The following DHRSX variants were observed in gnomAD, a reference collection of about 807,000 sequenced individuals.
The protein encoded by DHRSX is polyprenol dehydrogenase.
In DHRSX, 31 loss-of-function variants were observed where a neutral mutation model predicts 34.0. That is an observed-to-expected ratio of 0.91 (90% CI 0.69 to 1.23). The LOEUF is 1.23. Among genes scored for constraint, DHRSX ranks in the 50% most tolerant of loss-of-function variants. DHRSX has a pLI of 0.00. For missense variants in DHRSX, 414 were observed against 428.1 expected (o/e 0.97, Z 0.29); for synonymous variants, 201 against 183.8 (o/e 1.09, Z -0.76).
chrX:2,360,367 G>A (rs1205148661), intron 3 of DHRSX, among the ~76,000 whole-genome samples: 5 of 152,114 alleles, frequency 3.3e-5, no homozygotes, highest in South Asian at 4.1e-4. Context: ...GGCGGATCAC[G>A]AGGGCAGGAG....
intron 1 of DHRSX, among the ~76,000 whole-genome samples, chrX:2,464,883 G>A (rs2044467733): frequency 6.6e-6 from 1 of 152,106 alleles, no homozygotes; most frequent in Non-Finnish European, 1.5e-5. Flanking sequence ...TGTGGCGCAA[G>A]GGACTGATAC....
chrX:2,247,928 C>T (rs955562913), intron 5 of DHRSX, among the ~76,000 whole-genome samples: 6 of 151,884 alleles, frequency 4.0e-5, no homozygotes, highest in African/African-American at 1.5e-4. Flanking sequence ...AGCACCTTTC[C>T]CCCAAGGCCA....
intron 3 of DHRSX, among the ~76,000 whole-genome samples, chrX:2,340,932 G>C (rs1431540034): frequency 2.6e-5 from 4 of 152,094 alleles, no homozygotes; most frequent in African/African-American, 9.7e-5. Flanking sequence ...AAGCATTTGA[G>C]CTGAGCAACG....
chrX:2,314,023 G>C (rs1364403428), intron 3 of DHRSX, among the ~76,000 whole-genome samples: 2 of 151,604 alleles, frequency 1.3e-5, no homozygotes, highest in Non-Finnish European at 2.9e-5. Context: ...AGGATTGTGG[G>C]AACCAAGTTT....
chrX:2,341,595 G>T (rs1186089019), intron 3 of DHRSX, among the ~76,000 whole-genome samples: 5 of 147,418 alleles, frequency 3.4e-5, no homozygotes, highest in Non-Finnish European at 5.9e-5. Flanking sequence ...TTTTACATCT[G>T]CAAAGACCTT....
intron 3 of DHRSX, among the ~76,000 whole-genome samples, chrX:2,314,479 A>AAGGGAGGAAGGG (rs2042216494): frequency 1.9e-5 from 1 of 52,996 alleles, no homozygotes; most frequent in African/African-American, 9.9e-5. Context: ...AGAAGGAAGG[A>AAGGGAGGAAGGG]AGGAAGGAAG....
intron 5 of DHRSX, among the ~76,000 whole-genome samples, chrX:2,265,915 A>T (rs1279590018): frequency 7.2e-6 from 1 of 138,324 alleles, no homozygotes; most frequent in Non-Finnish European, 1.6e-5. Flanking sequence ...CCAGAGCACC[A>T]GTGCTCGGCA....
chrX:2,494,427 C>G (rs1369896109), intron 1 of DHRSX, among the ~76,000 whole-genome samples: 1 of 151,508 alleles, frequency 6.6e-6, no homozygotes, highest in Non-Finnish European at 1.5e-5. Flanking sequence ...GAAAGAGGTC[C>G]CAGTAACAGA....
chrX:2,246,706 GAGAAAGAAAGAAAGAAAGAAAGAA>G (rs997986324), intron 5 of DHRSX, among the ~76,000 whole-genome samples: 1 of 107,406 alleles, frequency 9.3e-6, no homozygotes. Flanking sequence ...AAGAAAGAAA[GAGAAAGAAAGAAAGAAAGAAAGAA>G]AGAAAGAAAG....
At position 2,386,243 on chromosome X, in the gene DHRSX, G is replaced by A. The variant is rs181517401; in HGVS notation, c.286+22502C>T. 3.6e-3 allele frequency among the ~76,000 whole-genome samples: 547 copies of A among 151,394 alleles called. 2 individuals are homozygous for A. The highest frequency in any genetic ancestry group is 5.6e-3 in the African/African-American group (229 of 41,252). The stretch of plus-strand genomic sequence containing the variant: ...GAAAGAAAGAGAGAGACAGAGAGAC[G>A]GAGTCTTGCTCTGTCACCAGGCTAG... On this transcript the variant is annotated intron_variant, in intron 3 of 6. Transcript: ENST00000334651.
intron 1 of DHRSX, among the ~76,000 whole-genome samples, chrX:2,465,108 G>A (rs993174870): frequency 2.6e-5 from 4 of 152,080 alleles, no homozygotes; most frequent in Admixed American, 1.3e-4. Flanking sequence ...ATGCGGCCCA[G>A]GGACAGCCAC....
intron 1 of DHRSX, among the ~76,000 whole-genome samples, chrX:2,438,150 C>T (rs1946103564): frequency 6.7e-6 from 1 of 148,280 alleles, no homozygotes; most frequent in Non-Finnish European, 1.5e-5. Context: ...GCACTCTAGC[C>T]TGGGTGACAG....
Position 2,291,419 on chromosome X carries a change from A to C in DHRSX, c.388+83T>G, listed in dbSNP as rs1307878823. 14 of 1,055,972 alleles carry C rather than the reference A, an allele frequency of 1.3e-5. No individual in the cohort carries two copies. The African/African-American group carries it at 2.2e-4, about 17-fold the overall frequency. 65.4% of individuals were successfully genotyped at this position (1,055,972 alleles called of 1,614,324 possible). A position where few individuals can be genotyped will look rare whatever the true frequency, so the allele number is the denominator to read the frequency against. On this transcript the variant is annotated intron_variant, in intron 4 of 6. Transcript: ENST00000334651. ...TTCCCATGGATATCCTGTTTTGCTG[A>C]GACACTTCTCCCGCATGAAAGCTAG...
At chrX:2,479,728 A>C (rs1331281562) in intron 1 of DHRSX, among the ~76,000 whole-genome samples, 1 of 151,808 alleles carries the variant, frequency 6.6e-6, no homozygotes, top group African/African-American at 2.4e-5. Context: ...AGGGACCGCC[A>C]CAGTGTACAC....
intron 6 of DHRSX, among the ~76,000 whole-genome samples, chrX:2,229,032 C>G (rs1324332978): frequency 6.6e-6 from 1 of 152,072 alleles, no homozygotes; most frequent in Non-Finnish European, 1.5e-5. Flanking sequence ...GGGCGGCAAA[C>G]GCTCAGCTCT....
chrX:2,430,174 C>T (rs1415177410), intron 1 of DHRSX, among the ~76,000 whole-genome samples: 1 of 150,600 alleles, frequency 6.6e-6, no homozygotes, highest in Non-Finnish European at 1.5e-5. Context: ...TTGGAGGTGC[C>T]CGTGGGGTCT....
In DHRSX at chrX:2,488,681, C is replaced by A. The variant is rs201308386; in HGVS notation, c.109+12136G>T. On this transcript the variant is annotated intron_variant, in intron 1 of 6. Transcript: ENST00000334651. Reference sequence around the variant, plus strand: ...AATGCCAAAGAAACCGCCGCTGACGCCATCCCCCAAGGAGAACACCTGCTC... The same window carrying A: ...AATGCCAAAGAAACCGCCGCTGACGACATCCCCCAAGGAGAACACCTGCTC... 40 of 1,612,600 alleles carry A rather than the reference C, an allele frequency of 2.5e-5. No homozygotes were observed. The East Asian group carries it at 8.0e-4, about 32-fold the overall frequency.
At chrX:2,390,017 G>A (rs1160327803) in intron 3 of DHRSX, among the ~76,000 whole-genome samples, 1 of 152,086 alleles carries the variant, frequency 6.6e-6, no homozygotes, top group Non-Finnish European at 1.5e-5. Flanking sequence ...CCGACCTCAA[G>A]TGATCCACCC....
At chrX:2,378,833 G>T (rs1206415542) in intron 3 of DHRSX, among the ~76,000 whole-genome samples, 2 of 151,944 alleles carry the variant, frequency 1.3e-5, no homozygotes, top group African/African-American at 4.8e-5. Context: ...ACCACGCCTG[G>T]CTACTTTTTT....
Sources: allele counts gnomAD v4.1 joint callset (sites outside exome capture counted in the v4.1 genomes callset), GRCh38; gene constraint gnomAD v4.1.1; transcripts MANE v1.5; gene names NCBI Gene and HGNC (gene_info 2026-07-23, HGNC 2026-07-21).